Variants in SCAMP1 observed in about 807,000 individuals in gnomAD.
SCAMP1 encodes secretory carrier-associated membrane protein 1.
Under a neutral mutation model 41.8 loss-of-function variants are expected in SCAMP1, and 15 were observed. The ratio of observed to expected loss-of-function variants is 0.36; its 90% CI spans 0.24 to 0.55. The LOEUF (loss-of-function observed/expected upper bound fraction) is 0.55, where lower values mean the gene tolerates loss of function less well. Ranked by LOEUF, SCAMP1 falls within the 20% of genes least tolerant of loss-of-function variation. The probability of loss-of-function intolerance (pLI) is 0.86; values close to 1 mark genes in which losing one functional copy is unlikely to be tolerated. For missense variants in SCAMP1, 341 were observed against 412.6 expected (o/e 0.83, Z 1.50); for synonymous variants, 135 against 136.8 (o/e 0.99, Z 0.09).
At chr5:78,408,981 A>C (rs1327797258) in intron 2 of SCAMP1, among the ~76,000 whole-genome samples, 1 of 152,180 alleles carries the variant, frequency 6.6e-6, no homozygotes, top group Non-Finnish European at 1.5e-5. Flanking sequence ...AGGACAAGAC[A>C]TGGAGGTATT....
intron 1 of SCAMP1, among the ~76,000 whole-genome samples, chr5:78,372,537 T>C (rs755536786): frequency 4.7e-5 from 7 of 148,708 alleles, no homozygotes; most frequent in Non-Finnish European, 8.9e-5. Flanking sequence ...TAAAAACTAA[T>C]AGCTCAGATA....
chr5:78,432,971 G>A (rs1752659011), intron 6 of SCAMP1, among the ~76,000 whole-genome samples: 1 of 151,752 alleles, frequency 6.6e-6, no homozygotes, highest in African/African-American at 2.4e-5. Flanking sequence ...TCTATTTTCA[G>A]TTTCACTGAT....
chr5:78,365,018 AAAAG>A (rs879330163), intron 1 of SCAMP1, among the ~76,000 whole-genome samples: 24 of 152,284 alleles, frequency 1.6e-4, no homozygotes, highest in Admixed American at 5.9e-4. Context: ...GAAGTATTAA[AAAAG>A]AAAGACTCAG....
intron 3 of SCAMP1, among the ~76,000 whole-genome samples, chr5:78,416,114 ATTC>A (rs1752202826): frequency 6.6e-6 from 1 of 152,198 alleles, no homozygotes; most frequent in South Asian, 2.1e-4. Flanking sequence ...ATTAGAAAAT[ATTC>A]TTGCATTGGT....
At chr5:78,364,582 A>G (rs1750746547) in intron 1 of SCAMP1, among the ~76,000 whole-genome samples, 1 of 152,162 alleles carries the variant, frequency 6.6e-6, no homozygotes, top group Admixed American at 6.5e-5. Context: ...TTTCTAGTCC[A>G]TTACTGGTGA....
chr5:78,417,098 G>A (rs2112139472), intron 4 of SCAMP1, among the ~76,000 whole-genome samples: 1 of 152,280 alleles, frequency 6.6e-6, no homozygotes, highest in South Asian at 2.1e-4. Context: ...GAAGCCTAAG[G>A]TATTCATATG....
At chr5:78,407,804 T>TTATAATTTAA (rs1751970848) in intron 2 of SCAMP1, among the ~76,000 whole-genome samples, 1 of 152,186 alleles carries the variant, frequency 6.6e-6, no homozygotes, top group African/African-American at 2.4e-5. Flanking sequence ...TCTATTAAAT[T>TTATAATTTAA]TATAATTTAA....
chr5:78,378,694 T>C (rs1751125759), intron 1 of SCAMP1, among the ~76,000 whole-genome samples: 2 of 152,224 alleles, frequency 1.3e-5, no homozygotes, highest in Admixed American at 6.5e-5. Flanking sequence ...TTGGCTTAAC[T>C]AATGATGTAA....
intron 7 of SCAMP1, among the ~76,000 whole-genome samples, chr5:78,451,223 C>G (rs763288251): frequency 6.6e-6 from 1 of 151,964 alleles, no homozygotes; most frequent in Non-Finnish European, 1.5e-5. Context: ...TAAGATAGAC[C>G]CTCATGTAGT....
chr5:78,441,404 T>G (rs748645691), intron 6 of SCAMP1, among the ~76,000 whole-genome samples: 2 of 152,188 alleles, frequency 1.3e-5, no homozygotes, highest in Admixed American at 6.5e-5. Flanking sequence ...TTGAAGAGTT[T>G]AGGGGGGAAA....
intron 1 of SCAMP1, among the ~76,000 whole-genome samples, chr5:78,364,585 A>G (rs1580636794): frequency 2.6e-5 from 4 of 152,134 alleles, no homozygotes; most frequent in East Asian, 1.9e-4. Flanking sequence ...CTAGTCCATT[A>G]CTGGTGACAC....
chr5:78,418,202 C>T (rs1752256135), intron 4 of SCAMP1, among the ~76,000 whole-genome samples: 1 of 152,024 alleles, frequency 6.6e-6, no homozygotes, highest in South Asian at 2.1e-4. Flanking sequence ...GTAGGGTTTT[C>T]GTACATGTAT....
rs115423888 is a variant in SCAMP1 at position 78,427,506 on chromosome 5, A to T, written c.632+5546A>T. Among the ~76,000 whole-genome samples the T allele has an allele frequency of 8.8e-3, 1,342 of 152,180 alleles. 16 individuals are homozygous for T. Among genetic ancestry groups the T allele is most frequent in the African/African-American group, 0.03 (1,265 of 41,522 alleles). On this transcript the variant is annotated intron_variant, in intron 6 of 8. Transcript: ENST00000621999. The stretch of plus-strand genomic sequence containing the variant: ...CAAGTCTGTCTATGGCCATATATTC[A>T]TTTCTCTTGAATATATTTTTAAGAG...
chr5:78,413,048 A>G (rs1224639151), intron 2 of SCAMP1, among the ~76,000 whole-genome samples: 1 of 152,160 alleles, frequency 6.6e-6, no homozygotes, highest in African/African-American at 2.4e-5. Flanking sequence ...AAATATTCAC[A>G]TGTATTTTTC....
intron 1 of SCAMP1, among the ~76,000 whole-genome samples, chr5:78,363,415 T>C (rs1356721130): frequency 6.6e-6 from 1 of 151,876 alleles, no homozygotes; most frequent in Non-Finnish European, 1.5e-5. Flanking sequence ...TTCACCGTGT[T>C]AGCCAGGATG....
Position 78,459,144 on chromosome 5 carries a change from T to C in SCAMP1, c.735-101T>C, listed in dbSNP as rs1008641488. Reference sequence around the variant, plus strand: ...CACTAATACACATAAAGAACTTGAATATTGCCTGGCTGATAAGTGTTGAAT... The same window carrying C: ...CACTAATACACATAAAGAACTTGAACATTGCCTGGCTGATAAGTGTTGAAT... On this transcript the variant is annotated intron_variant, in intron 7 of 8. Transcript: ENST00000621999. 4 of 688,602 alleles carry C rather than the reference T, an allele frequency of 5.8e-6. No homozygotes were observed. The African/African-American group carries it at 7.3e-5, about 12-fold the overall frequency. The allele number at this position is 688,602 out of a possible 1,614,324, so 42.7% of individuals were successfully genotyped here.
At chr5:78,366,084 T>C (rs1750787788) in intron 1 of SCAMP1, among the ~76,000 whole-genome samples, 1 of 151,994 alleles carries the variant, frequency 6.6e-6, no homozygotes, top group Non-Finnish European at 1.5e-5. Context: ...ATTGATGGCA[T>C]CTTCTTTGTG....
intron 2 of SCAMP1, among the ~76,000 whole-genome samples, chr5:78,410,014 A>T (rs1261492832): frequency 6.6e-6 from 1 of 151,980 alleles, no homozygotes; most frequent in Admixed American, 6.6e-5. Context: ...TTGCTGGGGG[A>T]AGATCTTTAT....
intron 1 of SCAMP1, among the ~76,000 whole-genome samples, chr5:78,383,494 A>G (rs1751261807): frequency 6.6e-6 from 1 of 152,124 alleles, no homozygotes; most frequent in African/African-American, 2.4e-5. Flanking sequence ...TCTTGGTCAT[A>G]AAGTCTTTCC....
Sources: allele counts gnomAD v4.1 joint callset (sites outside exome capture counted in the v4.1 genomes callset), GRCh38; gene constraint gnomAD v4.1.1; transcripts MANE v1.5; gene names NCBI Gene and HGNC (gene_info 2026-07-23, HGNC 2026-07-21).